The following SEC22C variants were observed in gnomAD, a reference collection of about 807,000 sequenced individuals.
SEC22C encodes the protein SEC22 homolog C, vesicle trafficking protein.
A neutral mutation model predicts 34.7 loss-of-function variants in SEC22C; 29 were observed. That is an observed-to-expected ratio of 0.84 (90% CI 0.62 to 1.14). The LOEUF (loss-of-function observed/expected upper bound fraction) is 1.14, where lower values mean the gene tolerates loss of function less well. SEC22C is among the 50% of genes most tolerant of loss of function. The pLI is 0.00. For missense variants in SEC22C, 337 were observed against 369.0 expected, an observed-to-expected ratio of 0.91 and a Z score of 0.71; for synonymous variants, 117 against 132.8, an observed-to-expected ratio of 0.88 and a Z score of 0.82.
At chr3:42,569,482 T>C (rs1703476019) in intron 1 of SEC22C, among the ~76,000 whole-genome samples, 1 of 152,178 alleles carries the variant, frequency 6.6e-6, no homozygotes, top group Non-Finnish European at 1.5e-5. Context: ...CGAGGATTGA[T>C]GTCAGTGACC....
At chr3:42,566,467 G>A (rs568661785) in intron 2 of SEC22C, among the ~76,000 whole-genome samples, 1 of 152,186 alleles carries the variant, frequency 6.6e-6, no homozygotes, top group East Asian at 1.9e-4. Context: ...ACGAGGTTAG[G>A]AGCTCGAGAC....
At chr3:42,562,524 C>G (rs1029439976) in intron 3 of SEC22C, among the ~76,000 whole-genome samples, 35 of 152,292 alleles carry the variant, frequency 2.3e-4, no homozygotes, top group African/African-American at 7.9e-4. Context: ...GATGGGCTAG[C>G]CAGTAGAACA....
chr3:42,559,309 A>C (rs1702734976), intron 4 of SEC22C, among the ~76,000 whole-genome samples: 1 of 152,264 alleles, frequency 6.6e-6, no homozygotes, highest in South Asian at 2.1e-4. Flanking sequence ...CCTCAGGACA[A>C]TAGGGTAAAT....
At chr3:42,600,744 C>T (rs1259382728) in intron 1 of SEC22C, 17 of 335,086 alleles carry the variant, frequency 5.1e-5, no homozygotes, top group Non-Finnish European at 1.6e-5. Flanking sequence ...TTCTCTTCTG[C>T]TCACGGGGAC....
intron 6 of SEC22C, among the ~76,000 whole-genome samples, chr3:42,553,835 C>T (rs1030844381): frequency 6.6e-6 from 1 of 152,172 alleles, no homozygotes; most frequent in Admixed American, 6.6e-5. Flanking sequence ...AGTTTTTCTT[C>T]AGGGAGCCAG....
Position 42,548,887 on chromosome 3 carries a change from C to A in SEC22C, c.*4361G>T. 1 of 1,363,770 alleles carries A rather than the reference C, an allele frequency of 7.3e-7. No individual in the cohort carries two copies. The highest frequency in any genetic ancestry group is 9.4e-7 in the Non-Finnish European group (1 of 1,058,558). The allele number at this position is 1,363,770 out of a possible 1,614,324, so 84.5% of individuals were successfully genotyped here. On this transcript the variant is annotated 3_prime_UTR_variant, in exon 7 of 7. Coordinates refer to ENST00000264454, the MANE Select transcript of SEC22C (RefSeq NM_032970.4). ...GGTGAATGTAAAGCCTTTCTCCTCC[C>A]ACACACAATGGACTCACCCAGTATT...
intron 1 of SEC22C, among the ~76,000 whole-genome samples, chr3:42,576,284 C>T (rs1388891671): frequency 6.6e-6 from 1 of 151,778 alleles, no homozygotes; most frequent in Non-Finnish European, 1.5e-5. Flanking sequence ...TTTAAGCTCA[C>T]AAGTCAAGAA....
chr3:42,572,576 C>A (rs1028218129), intron 1 of SEC22C, among the ~76,000 whole-genome samples: 2 of 152,198 alleles, frequency 1.3e-5, no homozygotes, highest in Non-Finnish European at 2.9e-5. Context: ...CCCTTTCCCC[C>A]AGGGTGTTAA....
chr3:42,588,780 G>T (rs1704708751), intron 1 of SEC22C, among the ~76,000 whole-genome samples: 1 of 152,130 alleles, frequency 6.6e-6, no homozygotes, highest in Non-Finnish European at 1.5e-5. Context: ...TGGAACTACG[G>T]AAGACCTGTA....
At chr3:42,581,587 C>G (rs1383969273) in intron 1 of SEC22C, among the ~76,000 whole-genome samples, 4 of 152,280 alleles carry the variant, frequency 2.6e-5, no homozygotes, top group African/African-American at 9.6e-5. Flanking sequence ...CCCTTGGCGC[C>G]CATCTGTCAG....
upstream of SEC22C, among the ~76,000 whole-genome samples, chr3:42,584,265 CT>C (rs1704537609): frequency 6.6e-6 from 1 of 152,028 alleles, no homozygotes; most frequent in South Asian, 2.1e-4. Flanking sequence ...TGAACACAGA[CT>C]TTTTTTGAGG....
intron 2 of SEC22C, among the ~76,000 whole-genome samples, chr3:42,566,210 T>TCAC (rs758323845): frequency 1.2e-4 from 18 of 152,162 alleles, no homozygotes; most frequent in Non-Finnish European, 2.4e-4. Context: ...AGAGCCCACA[T>TCAC]CACCAGGTGA....
Position 42,561,643 on chromosome 3 carries a change from C to T in SEC22C, c.347-347G>A, listed in dbSNP as rs1702921898. Among the ~76,000 whole-genome samples the T allele has an allele frequency of 2.6e-5, 4 of 152,218 alleles. 1 individual carries two copies. In the South Asian group the frequency reaches 8.3e-4, roughly 32 times the overall value. On this transcript the variant is annotated intron_variant, in intron 3 of 6. Transcript: ENST00000264454. ...AGCTCAAGGGATTCTCCTGCCTCAG[C>T]CTCCCAGAGTGCTGGGATAATAGGC...
chr3:42,551,263 T>C lies in SEC22C; in HGVS notation c.*1985A>G. 3.0e-6 allele frequency: 3 copies of C among 985,450 alleles called. No homozygotes were observed. The highest frequency in any genetic ancestry group is 3.6e-6 in the Non-Finnish European group (3 of 829,930). 61.0% of individuals were successfully genotyped at this position (985,450 alleles called of 1,614,324 possible). A position where few individuals can be genotyped will look rare whatever the true frequency, so the allele number is the denominator to read the frequency against. ...AAACTGAAAATTCACCTGCTGGGTA[T>C]GCAGAAAATTATGCAGATGTGAAAT... On this transcript the variant is annotated 3_prime_UTR_variant, in exon 7 of 7. Coordinates refer to ENST00000264454, the MANE Select transcript of SEC22C (RefSeq NM_032970.4).
chr3:42,550,703 G>T lies in SEC22C; in HGVS notation c.*2545C>A. On this transcript the variant is annotated 3_prime_UTR_variant, in exon 7 of 7. Coordinates refer to ENST00000264454, the MANE Select transcript of SEC22C (RefSeq NM_032970.4). ...ATCTCTGGTAGTGCCTCGGTGGTCA[G>T]GAAGCATTACCAGGAAGGACTCATC... The T allele has an allele frequency of 1.0e-6, 1 of 984,978 alleles. No individual in the cohort carries two copies. Among genetic ancestry groups the T allele is most frequent in the Non-Finnish European group, 1.2e-6 (1 of 829,852 alleles). 61.0% of individuals were successfully genotyped at this position (984,978 alleles called of 1,614,324 possible).
chr3:42,586,301 CAACCTCTG>C (rs1341398511), upstream of SEC22C, among the ~76,000 whole-genome samples: 1 of 152,208 alleles, frequency 6.6e-6, no homozygotes, highest in Admixed American at 6.5e-5. Flanking sequence ...AGGCTTACTG[CAACCTCTG>C]CCTGCCGGAT....
Position 42,549,328 on chromosome 3 carries a change from CTGTCCTGCA to C in SEC22C, c.*3911_*3919del. On this transcript the variant is annotated 3_prime_UTR_variant, in exon 7 of 7. Transcript: ENST00000264454. The stretch of plus-strand genomic sequence containing the variant: ...CAAGCAGCAGGTTCTCAGAAGGCCA[CTGTCCTGCA>C]TGTCACAATGAGTGGCCAACTCCTT... The C allele has an allele frequency of 1.0e-6, 1 of 985,722 alleles. No individual in the cohort carries two copies. The allele number at this position is 985,722 out of a possible 1,614,324, so 61.1% of individuals were successfully genotyped here.
intron 4 of SEC22C, among the ~76,000 whole-genome samples, chr3:42,560,747 C>G (rs1052237949): frequency 6.6e-6 from 1 of 151,946 alleles, no homozygotes; most frequent in Non-Finnish European, 1.5e-5. Flanking sequence ...CAGGTGATTC[C>G]CCTACTTCAG....
chr3:42,584,898 G>A (rs190597117), upstream of SEC22C, among the ~76,000 whole-genome samples: 800 of 152,244 alleles, frequency 5.3e-3, 11 homozygotes, highest in African/African-American at 0.018. Flanking sequence ...CACTTTGGGA[G>A]GCCAAGGTGG....
Sources: gnomAD v4.1 joint callset for allele counts (sites outside exome capture counted in the v4.1 genomes callset) on GRCh38, gnomAD v4.1.1 for gene constraint, MANE v1.5 for transcripts, NCBI Gene and HGNC (gene_info 2026-07-23, HGNC 2026-07-21) for gene names.